The following POU3F3 variants were observed in gnomAD, a reference collection of about 807,000 sequenced individuals.
POU3F3 encodes POU domain, class 3, transcription factor 3.
Under a neutral mutation model 8.6 loss-of-function variants are expected in POU3F3, and 1 was observed. That is an observed-to-expected ratio of 0.12 (90% CI 0.04 to 0.55). The LOEUF (loss-of-function observed/expected upper bound fraction) is 0.55. Ranked by LOEUF, POU3F3 falls within the 20% of genes least tolerant of loss-of-function variation. POU3F3 has a pLI of 0.91. For missense variants in POU3F3, 577 were observed against 690.7 expected (o/e 0.84, Z 1.84); for synonymous variants, 418 against 327.4 (o/e 1.28, Z -2.99).
the POU3F3 span, among the ~76,000 whole-genome samples, chr2:104,925,254 GC>G: frequency 6.6e-6 from 1 of 152,198 alleles, no homozygotes; most frequent in Non-Finnish European, 1.5e-5. Flanking sequence ...GGGAAAGGTA[GC>G]CCTTTATGTC....
At chr2:104,873,392 GAAGA>G in the POU3F3 span, among the ~76,000 whole-genome samples, 2 of 152,070 alleles carry the variant, frequency 1.3e-5, no homozygotes, top group Non-Finnish European at 2.9e-5. Flanking sequence ...GAAGGGAAAA[GAAGA>G]AAGTTCTCCG....
chr2:104,856,464 G>A lies in POU3F3; in HGVS notation c.954G>A (p.Thr318=), dbSNP rs1467353970. The change falls in exon 1 of 1, where the codon ACG becomes ACA. Residue 318 remains threonine (T), a synonymous_variant. Transcript: ENST00000361360. ...HDPHSDEDTP[T]SDDLEQFAKQ... Reference sequence around the variant, plus strand: ...CGCACTCGGACGAGGACACGCCGACGTCGGACGACCTGGAGCAGTTCGCCA... The same window carrying A: ...CGCACTCGGACGAGGACACGCCGACATCGGACGACCTGGAGCAGTTCGCCA... 1.9e-6 allele frequency: 3 copies of A among 1,613,044 alleles called. No homozygotes were observed. Among genetic ancestry groups the A allele is most frequent in the Non-Finnish European group, 8.5e-7 (1 of 1,179,916 alleles).
chr2:104,910,974 C>T, the POU3F3 span, among the ~76,000 whole-genome samples: 36 of 152,032 alleles, frequency 2.4e-4, no homozygotes, highest in South Asian at 6.2e-4. Flanking sequence ...AATCTAGAGA[C>T]GATTTAAAGT....
the POU3F3 span, among the ~76,000 whole-genome samples, chr2:104,893,195 C>T: frequency 6.6e-6 from 1 of 152,226 alleles, no homozygotes; most frequent in Non-Finnish European, 1.5e-5. Context: ...CCCCAGCTAA[C>T]ACTCTTCTGA....
At chr2:104,919,658 C>G in the POU3F3 span, among the ~76,000 whole-genome samples, 41,484 of 152,030 alleles carry the variant, frequency 0.27, 5,655 homozygotes, top group Middle Eastern at 0.36. Context: ...TGAATGATAG[C>G]ATTTGGAGAC....
At chr2:104,880,886 G>T in the POU3F3 span, among the ~76,000 whole-genome samples, 2 of 152,152 alleles carry the variant, frequency 1.3e-5, no homozygotes, top group African/African-American at 4.8e-5. Flanking sequence ...ACCCATTGAA[G>T]TCTGCCCTGT....
the POU3F3 span, among the ~76,000 whole-genome samples, chr2:104,894,290 A>G: frequency 6.6e-6 from 1 of 152,256 alleles, no homozygotes; most frequent in East Asian, 1.9e-4. Context: ...CCACACTGAC[A>G]TATCACTTTA....
the POU3F3 span, among the ~76,000 whole-genome samples, chr2:104,909,341 G>A: frequency 1.3e-5 from 2 of 152,190 alleles, no homozygotes; most frequent in Non-Finnish European, 2.9e-5. Context: ...GAATCTGGAT[G>A]GGAAGCCAGA....
chr2:104,886,966 A>G, the POU3F3 span, among the ~76,000 whole-genome samples: 1 of 152,164 alleles, frequency 6.6e-6, no homozygotes, highest in South Asian at 2.1e-4. Flanking sequence ...AGGAAAAAAA[A>G]GGCTACTCCA....
rs146061121 is a variant in POU3F3 at position 104,854,559 on chromosome 2, C to T, written c.-952C>T. The stretch of plus-strand genomic sequence containing the variant: ...TGTTATATTTGTTTCCTAATTTCTG[C>T]CCAAAAGGAAAGATGTCGCATCAGA... On this transcript the variant is annotated 5_prime_UTR_variant, in exon 1 of 1. Coordinates refer to ENST00000361360, the MANE Select transcript of POU3F3 (RefSeq NM_006236.3). The surrounding 1 kb of genome is among the most constrained non-coding windows in gnomAD (Gnocchi z 4.5). 3.0e-3 allele frequency among the ~76,000 whole-genome samples: 455 copies of T among 152,252 alleles called. 6 individuals carry two copies. The highest frequency in any genetic ancestry group is 0.011 in the African/African-American group (439 of 41,528).
the POU3F3 span, among the ~76,000 whole-genome samples, chr2:104,863,746 AT>A: frequency 5.9e-5 from 9 of 152,138 alleles, no homozygotes; most frequent in African/African-American, 2.2e-4. Context: ...TTCCCGAAGG[AT>A]GCGGCGCGTG....
At position 104,857,181 on chromosome 2, in the gene POU3F3, C is replaced by A; in HGVS notation, c.*168C>A. ...GCTCCAGCCCAGGCCCATCCGCCGC[C>A]CTCCCCTCCACCCAGAGACAGGCAT... On this transcript the variant is annotated 3_prime_UTR_variant, in exon 1 of 1. Transcript: ENST00000361360. The A allele has an allele frequency of 1.4e-6, 1 of 728,368 alleles. No individual in the cohort carries two copies. Among genetic ancestry groups the A allele is most frequent in the Non-Finnish European group, 1.7e-6 (1 of 594,792 alleles). The allele number at this position is 728,368 out of a possible 1,614,324, so 45.1% of individuals were successfully genotyped here.
chr2:104,867,276 G>A, the POU3F3 span: 2 of 152,228 alleles, frequency 1.3e-5, no homozygotes, highest in Non-Finnish European at 2.9e-5. The surrounding 1 kb of genome is among the most constrained non-coding windows in gnomAD (Gnocchi z 5.0). Flanking sequence ...GAGGGCAGTT[G>A]ATCCTGGGCA....
At chr2:104,878,802 G>A in the POU3F3 span, among the ~76,000 whole-genome samples, 1 of 152,160 alleles carries the variant, frequency 6.6e-6, no homozygotes, top group East Asian at 1.9e-4. Flanking sequence ...TCTGTGCTCT[G>A]TTTGGTCCTG....
chr2:104,888,200 T>C, the POU3F3 span, among the ~76,000 whole-genome samples: 6 of 152,236 alleles, frequency 3.9e-5, no homozygotes, highest in African/African-American at 1.4e-4. Context: ...GTGTGCGAAA[T>C]GGACATATTT....
rs776563157 is a variant in POU3F3 at position 104,855,705 on chromosome 2, G to T, written c.195G>T (p.Gly65=). 1.6e-6 allele frequency: 2 copies of T among 1,232,904 alleles called. No homozygotes were observed. Among genetic ancestry groups the T allele is most frequent in the Non-Finnish European group, 2.1e-6 (2 of 964,628 alleles). The allele number at this position is 1,232,904 out of a possible 1,614,324, so 76.4% of individuals were successfully genotyped here. The change falls in exon 1 of 1, where the codon GGG becomes GGT. Residue 65 remains glycine, a synonymous_variant. Coordinates refer to ENST00000361360, the MANE Select transcript of POU3F3 (RefSeq NM_006236.3). The stretch of plus-strand genomic sequence containing the variant: ...CCGTGACCTCGGGCGCCTACCGGGG[G>T]GACCCGTCCTCTGTCAAGATGGTCC... ...SAAVTSGAYR[G]DPSSVKMVQS...
chr2:104,855,712 T>C lies in POU3F3; in HGVS notation c.202T>C (p.Ser68Pro). The change falls in exon 1 of 1, where the codon TCC becomes CCC. Residue 68 changes from serine (S) to proline (P), a missense_variant. Physicochemically the swap from Ser to Pro is moderately conservative, Grantham distance 74. Transcript: ENST00000361360. ...VTSGAYRGDP[S>P]SVKMVQSDFM... Reference sequence around the variant, plus strand: ...CTCGGGCGCCTACCGGGGGGACCCGTCCTCTGTCAAGATGGTCCAGAGCGA... The same window carrying C: ...CTCGGGCGCCTACCGGGGGGACCCGCCCTCTGTCAAGATGGTCCAGAGCGA... The C allele has an allele frequency of 8.0e-7, 1 of 1,243,944 alleles. No homozygotes were observed. Among genetic ancestry groups the C allele is most frequent in the Middle Eastern group, 2.8e-4 (1 of 3,634 alleles). The allele number at this position is 1,243,944 out of a possible 1,614,324, so 77.1% of individuals were successfully genotyped here. A position where few individuals can be genotyped will look rare whatever the true frequency, so the allele number is the denominator to read the frequency against.
the POU3F3 span, among the ~76,000 whole-genome samples, chr2:104,912,960 T>C: frequency 3.9e-5 from 6 of 152,222 alleles, no homozygotes; most frequent in Non-Finnish European, 8.8e-5. Flanking sequence ...TTCAACCCAA[T>C]AAATTTTCAT....
At chr2:104,910,303 T>C in the POU3F3 span, among the ~76,000 whole-genome samples, 98 of 152,292 alleles carry the variant, frequency 6.4e-4, no homozygotes, top group African/African-American at 2.3e-3. Flanking sequence ...CAGTGATCGT[T>C]ACAGCTCTCT....
Sources: allele counts gnomAD v4.1 joint callset (sites outside exome capture counted in the v4.1 genomes callset), GRCh38; gene constraint gnomAD v4.1.1; non-coding constraint Gnocchi (gnomAD v3.1); transcripts MANE v1.5; gene names NCBI Gene and HGNC (gene_info 2026-07-23, HGNC 2026-07-21).